Variants in PDGFD observed in about 807,000 individuals in gnomAD.
PDGFD encodes platelet-derived growth factor D.
In PDGFD, 30 loss-of-function variants were observed where a neutral mutation model predicts 44.7. That is an observed-to-expected ratio of 0.67 (90% confidence interval 0.50 to 0.91). The LOEUF (loss-of-function observed/expected upper bound fraction) is 0.91, where lower values mean the gene tolerates loss of function less well. Ranked by LOEUF, PDGFD falls within the 40% of genes least tolerant of loss-of-function variation. PDGFD has a pLI of 0.00. For missense variants in PDGFD, 445 were observed against 457.8 expected (o/e 0.97, Z 0.25); for synonymous variants, 173 against 168.4 (o/e 1.03, Z -0.21).
chr11:103,961,216 G>A (rs1056908581), intron 3 of PDGFD, among the ~76,000 whole-genome samples: 4 of 152,144 alleles, frequency 2.6e-5, no homozygotes, highest in Admixed American at 2.6e-4. Flanking sequence ...ACTAGTCATT[G>A]AATTGCTGTG....
intron 1 of PDGFD, among the ~76,000 whole-genome samples, chr11:104,103,571 A>T (rs1861429419): frequency 1.3e-5 from 2 of 150,998 alleles, no homozygotes; most frequent in Non-Finnish European, 3.0e-5. Context: ...ACACATATAC[A>T]GTCATAAACT....
chr11:103,971,244 G>A (rs1440671592), intron 3 of PDGFD, among the ~76,000 whole-genome samples: 1 of 151,976 alleles, frequency 6.6e-6, no homozygotes, highest in East Asian at 1.9e-4. Context: ...GCTTGCTATA[G>A]GTAATGGCTC....
intron 6 of PDGFD, among the ~76,000 whole-genome samples, chr11:103,926,617 T>A (rs1858319471): frequency 6.6e-6 from 1 of 152,164 alleles, no homozygotes; most frequent in Non-Finnish European, 1.5e-5. Flanking sequence ...TGCAAGTAGG[T>A]CAAGCTCTGA....
chr11:103,996,349 AC>A, intron 2 of PDGFD, 104 bp from the exon 3 acceptor site: 1 of 1,004,182 alleles, frequency 1.0e-6, no homozygotes, highest in Non-Finnish European at 1.5e-6. Flanking sequence ...TGTCATGACC[AC>A]AATCTGAAAT....
In PDGFD at chr11:104,038,275, A is replaced by G. The variant is rs1046068606; in HGVS notation, c.125-38020T>C. The G allele has an allele frequency of 1.0e-4, 43 of 427,294 alleles. No homozygotes were observed. The East Asian group carries it at 1.6e-3, about 16-fold the overall frequency. 26.5% of individuals were successfully genotyped at this position (427,294 alleles called of 1,614,324 possible). A position where few individuals can be genotyped will look rare whatever the true frequency, so the allele number is the denominator to read the frequency against. On this transcript the variant is annotated intron_variant, in intron 1 of 6. Coordinates refer to ENST00000393158, the MANE Select transcript of PDGFD (RefSeq NM_025208.5). ...CAGCTGATTTCCAGATAATCCATGAAAAAGAAAACCAGCTTCTTCCTTTAG... is the reference window on the plus strand; with the variant it reads ...CAGCTGATTTCCAGATAATCCATGAGAAAGAAAACCAGCTTCTTCCTTTAG...
intron 1 of PDGFD, among the ~76,000 whole-genome samples, chr11:104,084,838 G>GTATTATAAAATATAAATAAAAAATATAAA (rs1861105201): frequency 1.6e-5 from 1 of 61,256 alleles, no homozygotes; most frequent in African/African-American, 1.3e-4. Context: ...TAAAATATAT[G>GTATTATAAAATATAAATAAAAAATATAAA]TAATGTATAT....
At chr11:103,938,547 T>C (rs965268522) in intron 5 of PDGFD, among the ~76,000 whole-genome samples, 2 of 152,168 alleles carry the variant, frequency 1.3e-5, no homozygotes. Context: ...GTGCAGAAGC[T>C]CTTTAGTTTA....
intron 5 of PDGFD, among the ~76,000 whole-genome samples, chr11:103,936,174 T>G (rs1014457209): frequency 3.3e-5 from 5 of 152,300 alleles, no homozygotes; most frequent in African/African-American, 1.2e-4. Flanking sequence ...ATTATTAATG[T>G]CTATTATCTA....
chr11:104,146,803 T>C (rs1231179562), intron 1 of PDGFD, among the ~76,000 whole-genome samples: 7 of 152,026 alleles, frequency 4.6e-5, no homozygotes, highest in Non-Finnish European at 1.0e-4. Flanking sequence ...TACCTCTATA[T>C]ATCAGGTACT....
chr11:104,057,526 G>A (rs1860640883), intron 1 of PDGFD, among the ~76,000 whole-genome samples: 1 of 152,120 alleles, frequency 6.6e-6, no homozygotes, highest in Non-Finnish European at 1.5e-5. Context: ...GACTACTAGA[G>A]AGGAGAGAGG....
intron 1 of PDGFD, among the ~76,000 whole-genome samples, chr11:104,130,840 T>C (rs10895580): frequency 0.13 from 19,810 of 152,188 alleles, 1,427 homozygotes; most frequent in East Asian, 0.29. Flanking sequence ...TCTAACCTTC[T>C]GATACTTTTG....
chr11:104,056,653 C>T (rs546129024), intron 1 of PDGFD, among the ~76,000 whole-genome samples: 2 of 152,284 alleles, frequency 1.3e-5, no homozygotes, highest in African/African-American at 4.8e-5. Flanking sequence ...TCCAAAACAA[C>T]ACAACCCTAC....
chr11:104,158,177 T>C (rs1442112477), intron 1 of PDGFD, among the ~76,000 whole-genome samples: 2 of 152,202 alleles, frequency 1.3e-5, no homozygotes, highest in Non-Finnish European at 2.9e-5. Context: ...AACTTCACAC[T>C]TAAATTGCAA....
chr11:103,971,460 CT>C (rs964073431), intron 3 of PDGFD, among the ~76,000 whole-genome samples: 1 of 152,012 alleles, frequency 6.6e-6, no homozygotes, highest in Non-Finnish European at 1.5e-5. Flanking sequence ...TTGAAAACCA[CT>C]TTTTTTGCTT....
intron 5 of PDGFD, among the ~76,000 whole-genome samples, chr11:103,942,269 C>T (rs1248827848): frequency 6.6e-6 from 1 of 152,000 alleles, no homozygotes; most frequent in Non-Finnish European, 1.5e-5. Flanking sequence ...TTTTAGGGAA[C>T]ATTTCAATTA....
Position 104,163,950 on chromosome 11 carries a change from G to A in PDGFD, c.-23C>T. The A allele has an allele frequency of 6.6e-7, 1 of 1,512,142 alleles. No individual in the cohort carries two copies. Among genetic ancestry groups the A allele is most frequent in the Middle Eastern group, 1.8e-4 (1 of 5,552 alleles). The allele number at this position is 1,512,142 out of a possible 1,614,324, so 93.7% of individuals were successfully genotyped here. Reference sequence around the variant, plus strand: ...CATTTGGGATCAGCGACTAGAGACAGCGTCGCTCCAAGAAAAAGCCGGGTT... The same window carrying A: ...CATTTGGGATCAGCGACTAGAGACAACGTCGCTCCAAGAAAAAGCCGGGTT... On this transcript the variant is annotated 5_prime_UTR_variant, in exon 1 of 7. Coordinates refer to ENST00000393158, the MANE Select transcript of PDGFD (RefSeq NM_025208.5).
chr11:103,911,121 C>A (rs1037462243), intron 6 of PDGFD, among the ~76,000 whole-genome samples: 2 of 152,204 alleles, frequency 1.3e-5, no homozygotes, highest in African/African-American at 4.8e-5. Flanking sequence ...CTCCCTGGGA[C>A]AGAGAACCTG....
chr11:104,029,296 G>A (rs1023836749), intron 1 of PDGFD, among the ~76,000 whole-genome samples: 5 of 152,202 alleles, frequency 3.3e-5, no homozygotes, highest in African/African-American at 1.2e-4. Context: ...AAATAGGTGA[G>A]TTGATTTATC....
chr11:104,109,594 A>C (rs1255975630), intron 1 of PDGFD, among the ~76,000 whole-genome samples: 2 of 152,174 alleles, frequency 1.3e-5, no homozygotes, highest in Non-Finnish European at 2.9e-5. Context: ...AAGAATATAC[A>C]AGAATATTTG....
Sources: allele counts gnomAD v4.1 joint callset (sites outside exome capture counted in the v4.1 genomes callset), GRCh38; gene constraint gnomAD v4.1.1; transcripts MANE v1.5; gene names NCBI Gene and HGNC (gene_info 2026-07-23, HGNC 2026-07-21).